TRMT44: variants seen among roughly 807,000 people sequenced by gnomAD.
TRMT44 encodes the protein tRNA methyltransferase 44 homolog, also known as probable tRNA (uracil-O(2)-)-methyltransferase.
Under a neutral mutation model 77.3 loss-of-function variants are expected in TRMT44, and 78 were observed. The observed-to-expected ratio is 1.01, with a 90% CI of 0.84 to 1.22. TRMT44 has a LOEUF of 1.22. TRMT44 is among the 50% of genes most tolerant of loss of function. The pLI is 0.00. For synonymous variants in TRMT44, 391 were observed against 383.3 expected (o/e 1.02, Z -0.23); for missense variants, 1,090 against 964.4 (o/e 1.13, Z -1.73).
chr4:8,468,190 C>T lies in TRMT44; in HGVS notation c.1771C>T (p.Pro591Ser), dbSNP rs199651886. 319 of 1,614,096 alleles carry T rather than the reference C, an allele frequency of 2.0e-4. No individual in the cohort carries two copies. Among genetic ancestry groups the T allele is most frequent in the Middle Eastern group, 1.5e-3 (9 of 6,084 alleles). ...AGGACCCTGGCTACCTGGATTTCAT[C>T]CCAGAGAAAAGGCTGAGCGTGTGAG... ...AEGPWLPGFH[P>S]REKAERVRNC... Residue 591 changes from proline to serine, a missense_variant, in exon 9 of 11, where the codon CCC becomes TCC. Physicochemically the swap from Pro to Ser is moderately conservative, Grantham distance 74 (BLOSUM62 -1). Coordinates refer to ENST00000389737, the MANE Select transcript of TRMT44 (RefSeq NM_152544.3).
At chr4:8,472,987 G>T (rs376609844) in intron 10 of TRMT44, among the ~76,000 whole-genome samples, 78 of 152,176 alleles carry the variant, frequency 5.1e-4, no homozygotes, top group Non-Finnish European at 8.5e-4. Context: ...GGTCACCCTG[G>T]GGGGGCAAAC....
chr4:8,446,557 A>G lies in TRMT44; in HGVS notation c.701A>G (p.Tyr234Cys), dbSNP rs1269780267. 3.1e-5 allele frequency: 48 copies of G among 1,536,240 alleles called. No individual in the cohort carries two copies. Among genetic ancestry groups the G allele is most frequent in the Non-Finnish European group, 4.2e-5 (48 of 1,146,812 alleles). Residue 234 changes from tyrosine (Y) to cysteine (C), a missense_variant, in exon 2 of 11, where the codon TAT (tyrosine) becomes TGT (cysteine). Transcript: ENST00000389737. This position sits in a 1 kb window ranked among gnomAD's most constrained non-coding sequence, Gnocchi z 4.3. ...GNLKVKMSNV[Y>C]QIQLSHSKEE... ...CTAAAGGTTAAGATGAGCAATGTGT[A>G]TCAAATTCAGCTCAGTCATAGCAAA...
intron 6 of TRMT44, among the ~76,000 whole-genome samples, chr4:8,458,137 T>C (rs1725926262): frequency 6.6e-6 from 1 of 152,226 alleles, no homozygotes. Flanking sequence ...TGCCATAGAC[T>C]CTTCTGCGAT....
chr4:8,497,504 G>T (rs1042991093), downstream of TRMT44, among the ~76,000 whole-genome samples: 39 of 152,270 alleles, frequency 2.6e-4, no homozygotes, highest in African/African-American at 9.1e-4. Flanking sequence ...AATTAGCTGG[G>T]TGTGGTGGCA....
chr4:8,506,976 T>C, the TRMT44 span: 20 of 152,688 alleles, frequency 1.3e-4, no homozygotes, highest in Admixed American at 1.3e-3. Flanking sequence ...CAGACAGGCC[T>C]GGGATGGAGC....
Position 8,474,505 on chromosome 4 carries a change from C to T in TRMT44, c.2045-1267C>T, listed in dbSNP as rs566995173. Among the ~76,000 whole-genome samples, 3 of 152,342 alleles carry T rather than the reference C, an allele frequency of 2.0e-5. No homozygotes were observed. In the South Asian group the frequency reaches 6.2e-4, roughly 32 times the overall value. ...GTGAGCCCCCAACTGTGGCGCCGTT[C>T]TCTGGGCTCATTTCTCTAGTTTCAG... On this transcript the variant is annotated intron_variant, in intron 10 of 10. Transcript: ENST00000389737.
intron 7 of TRMT44, 39 bp from the exon 8 acceptor site, chr4:8,465,339 C>G: frequency 6.4e-7 from 1 of 1,574,140 alleles, no homozygotes; most frequent in Non-Finnish European, 8.6e-7. Flanking sequence ...TGCGTCTGCT[C>G]AGGATGCTTG....
chr4:8,506,796 A>G, the TRMT44 span: 1 of 152,284 alleles, frequency 6.6e-6, no homozygotes, highest in Non-Finnish European at 1.5e-5. Flanking sequence ...CTTGGCACAA[A>G]TATAAAAACA....
downstream of TRMT44, chr4:8,493,565 A>G (rs1404012879): frequency 6.6e-6 from 1 of 152,120 alleles, no homozygotes; most frequent in South Asian, 2.1e-4. Context: ...TCCTGTTTTG[A>G]TCCATCAGCT....
chr4:8,452,016 A>C lies in TRMT44; in HGVS notation c.1011A>C (p.Ala337=). The change falls in exon 4 of 11, where the codon GCA becomes GCC. Residue 337 remains alanine, a synonymous_variant. Transcript: ENST00000389737. The surrounding 1 kb of genome is among the most constrained non-coding windows in gnomAD (Gnocchi z 5.7). ...EKFVYEDVAI[A]AYLLILWEEE... ...TCGTGTATGAAGATGTGGCTATCGC[A>C]GCATACCTGCTGGTAAGGGTGTAAG... The C allele has an allele frequency of 2.0e-6, 3 of 1,536,680 alleles. No individual in the cohort carries two copies. Among genetic ancestry groups the C allele is most frequent in the Non-Finnish European group, 2.6e-6 (3 of 1,146,960 alleles).
At chr4:8,457,953 A>G (rs1725913247) in intron 6 of TRMT44, among the ~76,000 whole-genome samples, 1 of 152,214 alleles carries the variant, frequency 6.6e-6, no homozygotes, top group African/African-American at 2.4e-5. Flanking sequence ...TTCAAGAGCT[A>G]ATAGACTCCA....
At chr4:8,454,006 G>T (rs1725629929) in intron 5 of TRMT44, among the ~76,000 whole-genome samples, 1 of 152,148 alleles carries the variant, frequency 6.6e-6, no homozygotes, top group Non-Finnish European at 1.5e-5. Flanking sequence ...TGTATCAGGT[G>T]GCAGCTTGGT....
the TRMT44 span, among the ~76,000 whole-genome samples, chr4:8,516,243 G>A: frequency 9.9e-5 from 15 of 152,062 alleles, no homozygotes; most frequent in African/African-American, 3.4e-4. Flanking sequence ...CAAGAGCATC[G>A]CCCCCTCGAC....
intron 2 of TRMT44, among the ~76,000 whole-genome samples, chr4:8,491,894 G>A (rs868703574): frequency 7.2e-5 from 11 of 152,234 alleles, no homozygotes; most frequent in South Asian, 2.1e-4. Context: ...CTCAAGTGCC[G>A]CCAAAGTGGG....
At chr4:8,455,295 G>A (rs962787348) in intron 6 of TRMT44, among the ~76,000 whole-genome samples, 2 of 152,240 alleles carry the variant, frequency 1.3e-5, no homozygotes, top group Non-Finnish European at 2.9e-5. Context: ...GGGCTGTGGG[G>A]ACTCAAAGGA....
chr4:8,468,757 A>G (rs973652235), intron 9 of TRMT44, among the ~76,000 whole-genome samples: 5 of 152,248 alleles, frequency 3.3e-5, no homozygotes, highest in Admixed American at 3.3e-4. Flanking sequence ...GAAATCCCCA[A>G]AACACAACAA....
Position 8,440,940 on chromosome 4 carries a change from G to C in TRMT44, c.118G>C (p.Gly40Arg). Residue 40 changes from glycine (G) to arginine (R), a missense_variant, in exon 1 of 11, where the codon GGC becomes CGC. Coordinates refer to ENST00000389737, the MANE Select transcript of TRMT44 (RefSeq NM_152544.3). ...RPQVANKRLC[G>R]ARLEARWSAA... ...GCAGGTGGCAAACAAACGGCTTTGC[G>C]GCGCCCGCCTGGAGGCCCGCTGGAG... The C allele has an allele frequency of 6.5e-7, 1 of 1,529,822 alleles. No homozygotes were observed. The highest frequency in any genetic ancestry group is 8.7e-7 in the Non-Finnish European group (1 of 1,145,254). The allele number at this position is 1,529,822 out of a possible 1,614,324, so 94.8% of individuals were successfully genotyped here.
At chr4:8,504,756 A>G in the TRMT44 span, among the ~76,000 whole-genome samples, 1 of 151,982 alleles carries the variant, frequency 6.6e-6, no homozygotes, top group African/African-American at 2.4e-5. This position sits in a 1 kb window ranked among gnomAD's most constrained non-coding sequence, Gnocchi z 5.3. Flanking sequence ...CAACCCAGGC[A>G]CCCTGGCTGC....
At chr4:8,483,699 G>A (rs1401159761) in intron 2 of TRMT44, among the ~76,000 whole-genome samples, 1 of 152,194 alleles carries the variant, frequency 6.6e-6, no homozygotes, top group Non-Finnish European at 1.5e-5. Flanking sequence ...CTAAGAGCCT[G>A]AAAAACTGCT....
Sources: gnomAD v4.1 joint callset for allele counts (sites outside exome capture counted in the v4.1 genomes callset) on GRCh38, gnomAD v4.1.1 for gene constraint, Gnocchi (gnomAD v3.1) non-coding constraint, MANE v1.5 for transcripts, NCBI Gene and HGNC (gene_info 2026-07-23, HGNC 2026-07-21) for gene names.